GNAI1: variants seen among roughly 807,000 people sequenced by gnomAD.
GNAI1 encodes guanine nucleotide-binding protein G(i) subunit alpha-1.
Under a neutral mutation model 38.9 loss-of-function variants are expected in GNAI1, and 11 were observed. That is an observed-to-expected ratio of 0.28 (90% CI 0.18 to 0.47). The LOEUF (loss-of-function observed/expected upper bound fraction) is 0.47, where lower values mean the gene tolerates loss of function less well. Ranked by LOEUF, GNAI1 falls within the 20% of genes least tolerant of loss-of-function variation. The pLI is 0.99. For synonymous variants in GNAI1, 166 were observed against 145.1 expected, an observed-to-expected ratio of 1.14 and a Z score of -1.04; for missense variants, 317 against 436.9, an observed-to-expected ratio of 0.73 and a Z score of 2.45.
chr7:80,225,945 A>G lies in GNAI1; in HGVS notation c.*8452A>G, dbSNP rs1174287720. ...CTACTTGATACAGTGTGCATCAAAT[A>G]AAAGTTTACTATATTGGAATATGGG... On this transcript the variant is annotated 3_prime_UTR_variant, in exon 8 of 8. Coordinates refer to ENST00000649796, the MANE Select transcript of GNAI1 (RefSeq NM_002069.6). Among the ~76,000 whole-genome samples, 1 of 130,350 alleles carries G rather than the reference A, an allele frequency of 7.7e-6. No individual in the cohort carries two copies. Among genetic ancestry groups the G allele is most frequent in the Non-Finnish European group, 1.8e-5 (1 of 55,104 alleles). The allele number at this position is 130,350 out of a possible 152,430, so 85.5% of individuals were successfully genotyped here.
chr7:80,193,448 T>C lies in GNAI1; in HGVS notation c.303+4217T>C, dbSNP rs76738563. Among the ~76,000 whole-genome samples the C allele has an allele frequency of 1.6e-3, 250 of 152,304 alleles. 7 individuals are homozygous for C. The East Asian group carries it at 0.041, about 25-fold the overall frequency. On this transcript the variant is annotated intron_variant, in intron 3 of 7. Coordinates refer to ENST00000649796, the MANE Select transcript of GNAI1 (RefSeq NM_002069.6). ...AATAAAATTGTTTTCAAGGCTTGCA[T>C]AGAGCAGTCACATTTTATGCCTAAT...
chr7:80,177,764 G>A (rs941393329), intron 1 of GNAI1, among the ~76,000 whole-genome samples: 5 of 152,166 alleles, frequency 3.3e-5, no homozygotes, highest in African/African-American at 1.2e-4. Flanking sequence ...TTGAGCCACT[G>A]TGCCCAGCCT....
intron 1 of GNAI1, among the ~76,000 whole-genome samples, chr7:80,182,552 A>G (rs1342343667): frequency 6.6e-6 from 1 of 152,234 alleles, no homozygotes; most frequent in Non-Finnish European, 1.5e-5. Flanking sequence ...TTATTTAAAT[A>G]TAAGTTCAGA....
chr7:80,161,280 A>G (rs899135008), intron 1 of GNAI1, among the ~76,000 whole-genome samples: 1 of 152,174 alleles, frequency 6.6e-6, no homozygotes, highest in African/African-American at 2.4e-5. Context: ...GGTCAGGTAC[A>G]TGAGCATCTG....
rs539896034 is a variant in GNAI1 at position 80,218,636 on chromosome 7, T to C, written c.*1143T>C. 6.6e-6 allele frequency: 1 copy of C among 152,312 alleles called. No homozygotes were observed. Among genetic ancestry groups the C allele is most frequent in the South Asian group, 2.1e-4 (1 of 4,828 alleles). The allele number at this position is 152,312 out of a possible 1,614,324, so 9.4% of individuals were successfully genotyped here. A position where few individuals can be genotyped will look rare whatever the true frequency, so the allele number is the denominator to read the frequency against. ...TACATATAACTAATTTCAAATGTAA[T>C]TATCACACTATGTTAAAATTACTTT... On this transcript the variant is annotated 3_prime_UTR_variant, in exon 8 of 8. Transcript: ENST00000649796.
chr7:80,192,060 T>C (rs1350179554), intron 3 of GNAI1, among the ~76,000 whole-genome samples: 2 of 152,214 alleles, frequency 1.3e-5, no homozygotes, highest in African/African-American at 2.4e-5. Flanking sequence ...CCTTTTCACA[T>C]TGATTCTGTT....
At chr7:80,165,316 C>A (rs1411880467) in intron 1 of GNAI1, among the ~76,000 whole-genome samples, 2 of 152,162 alleles carry the variant, frequency 1.3e-5, no homozygotes, top group South Asian at 2.1e-4. Context: ...GTGACTTTGT[C>A]TTTTCACAGA....
chr7:80,137,288 TTTTTCTTTTTTTTTTTTTC>T (rs1416425594), intron 1 of GNAI1, among the ~76,000 whole-genome samples: 2 of 106,668 alleles, frequency 1.9e-5, no homozygotes, highest in South Asian at 3.4e-4. Context: ...TTCTTTTTCT[TTTTTCTTTTTTTTTTTTTC>T]TTTTCTTTTC....
chr7:80,145,346 A>G (rs1041382787), intron 1 of GNAI1, among the ~76,000 whole-genome samples: 22 of 152,278 alleles, frequency 1.4e-4, no homozygotes, highest in Non-Finnish European at 1.2e-4. Flanking sequence ...ATATCAATCT[A>G]TATATTTTTT....
intron 1 of GNAI1, among the ~76,000 whole-genome samples, chr7:80,184,899 C>T (rs1313734977): frequency 6.6e-6 from 1 of 152,230 alleles, no homozygotes; most frequent in Non-Finnish European, 1.5e-5. Flanking sequence ...AACTCTCATT[C>T]ACTCCACAGT....
intron 1 of GNAI1, among the ~76,000 whole-genome samples, chr7:80,160,860 T>TTTTAGAAAAAA (rs551085157): frequency 2.3e-3 from 349 of 152,216 alleles, no homozygotes; most frequent in Non-Finnish European, 4.2e-3. Context: ...TAGTTCTAAT[T>TTTTAGAAAAAA]TTTAGAAAAA....
rs1554354308 is a variant in GNAI1 at position 80,221,643 on chromosome 7, T to C, written c.*4150T>C. 1.5e-5 allele frequency among the ~76,000 whole-genome samples: 2 copies of C among 136,004 alleles called. No individual in the cohort carries two copies. The highest frequency in any genetic ancestry group is 5.7e-5 in the African/African-American group (2 of 35,362). 89.2% of individuals were successfully genotyped at this position (136,004 alleles called of 152,430 possible). A position where few individuals can be genotyped will look rare whatever the true frequency, so the allele number is the denominator to read the frequency against. On this transcript the variant is annotated 3_prime_UTR_variant, in exon 8 of 8. Transcript: ENST00000649796. ...TGTTAGGTTGGAAATTTTCTTTTTT[T>C]TTTTTTTTTTTTTTTTTTGGTATGG...
At chr7:80,137,651 A>G (rs1386332191) in intron 1 of GNAI1, among the ~76,000 whole-genome samples, 1 of 152,186 alleles carries the variant, frequency 6.6e-6, no homozygotes, top group Non-Finnish European at 1.5e-5. Context: ...CAGTACTGGT[A>G]CCATTGGAAA....
chr7:80,175,514 A>G (rs1307370746), intron 1 of GNAI1, among the ~76,000 whole-genome samples: 1 of 149,910 alleles, frequency 6.7e-6, no homozygotes, highest in East Asian at 2.0e-4. Flanking sequence ...CATACCTTGT[A>G]TTATTGTTCT....
intron 1 of GNAI1, among the ~76,000 whole-genome samples, chr7:80,165,454 T>A (rs1183827117): frequency 6.6e-6 from 1 of 152,164 alleles, no homozygotes; most frequent in African/African-American, 2.4e-5. Flanking sequence ...TAATATACTA[T>A]CCTAGTGTAA....
rs1017639592 is a variant in GNAI1, at chr7:80,218,356, A to T, written c.*863A>T. ...ATATGAATGCATTGCCTCAAAGGTG[A>T]TGTCATCTTAATTTTTATTCACTTT... On this transcript the variant is annotated 3_prime_UTR_variant, in exon 8 of 8. Coordinates refer to ENST00000649796, the MANE Select transcript of GNAI1 (RefSeq NM_002069.6). 3.3e-5 allele frequency: 5 copies of T among 152,028 alleles called. No homozygotes were observed. The highest frequency in any genetic ancestry group is 9.7e-5 in the African/African-American group (4 of 41,398). The allele number at this position is 152,028 out of a possible 1,614,324, so 9.4% of individuals were successfully genotyped here. A position where few individuals can be genotyped will look rare whatever the true frequency, so the allele number is the denominator to read the frequency against.
intron 3 of GNAI1, among the ~76,000 whole-genome samples, chr7:80,196,990 C>T (rs1788588910): frequency 6.6e-6 from 1 of 151,762 alleles, no homozygotes; most frequent in African/African-American, 2.4e-5. Flanking sequence ...AGCTACAGTC[C>T]TCATATTGTA....
chr7:80,196,494 A>G (rs1387794760), intron 3 of GNAI1, among the ~76,000 whole-genome samples: 1 of 151,952 alleles, frequency 6.6e-6, no homozygotes, highest in Non-Finnish European at 1.5e-5. Flanking sequence ...AAATTTTGCA[A>G]AGACCTCATT....
chr7:80,196,010 A>C (rs780768552), intron 3 of GNAI1, among the ~76,000 whole-genome samples: 1 of 151,964 alleles, frequency 6.6e-6, no homozygotes, highest in Non-Finnish European at 1.5e-5. Flanking sequence ...CATCCTAGGC[A>C]GACTCTTCTG....
Sources: allele counts gnomAD v4.1 joint callset (sites outside exome capture counted in the v4.1 genomes callset), GRCh38; gene constraint gnomAD v4.1.1; transcripts MANE v1.5; gene names NCBI Gene and HGNC (gene_info 2026-07-23, HGNC 2026-07-21).